GTF3C5: variants seen among roughly 807,000 people sequenced by gnomAD.
The protein encoded by GTF3C5 is general transcription factor IIIC subunit 5.
Under a neutral mutation model 61.0 loss-of-function variants are expected in GTF3C5, and 47 were observed. The observed-to-expected ratio is 0.77, with a 90% confidence interval of 0.61 to 0.98. The LOEUF (loss-of-function observed/expected upper bound fraction) is 0.98, where lower values mean the gene tolerates loss of function less well. Ranked by LOEUF, GTF3C5 falls within the 50% of genes least tolerant of loss-of-function variation. The pLI, the probability that GTF3C5 is intolerant of heterozygous loss-of-function variation, is 0.00. For synonymous variants in GTF3C5, 295 were observed against 275.4 expected (o/e 1.07, Z -0.71); for missense variants, 659 against 703.3 (o/e 0.94, Z 0.71).
chr9:133,045,555 C>T, intron 3 of GTF3C5, among the ~76,000 whole-genome samples: 1 of 152,174 alleles, frequency 6.6e-6, no homozygotes, highest in East Asian at 1.9e-4. Context: ...GTGAGAGGTA[C>T]TCAGCAAGTG....
chr9:133,036,780 T>C (rs1353488765), intron 1 of GTF3C5, among the ~76,000 whole-genome samples: 1 of 152,130 alleles, frequency 6.6e-6, no homozygotes, highest in East Asian at 1.9e-4. Context: ...CTAGGAATGT[T>C]ACGAGTTCCT....
chr9:133,042,146 C>T lies in GTF3C5; in HGVS notation c.213C>T (p.Cys71=), dbSNP rs779220331. 6.2e-7 allele frequency: 1 copy of T among 1,614,010 alleles called. No homozygotes were observed. Among genetic ancestry groups the T allele is most frequent in the Non-Finnish European group, 8.5e-7 (1 of 1,179,896 alleles). The stretch of plus-strand genomic sequence containing the variant: ...ACTTCCGGCCCAAGGACCCATACTG[C>T]CACCCAGTGTGCGCCAACCGCTTCA... ...ELYFRPKDPY[C]HPVCANRFST... Residue 71 remains cysteine, a synonymous_variant, in exon 2 of 11, where the codon TGC becomes TGT. Transcript: ENST00000372097.
In GTF3C5 at chr9:133,050,645, T is replaced by C. The variant is rs535867598; in HGVS notation, c.573-138T>C. On this transcript the variant is annotated intron_variant, in intron 3 of 10. Coordinates refer to ENST00000372097, the MANE Select transcript of GTF3C5 (RefSeq NM_012087.4). ...TTTAGCAGCCAACTCTGGGGTCCTT[T>C]CCCAGCACAGATGTCCAGAGAGAGG... 620 of 627,482 alleles carry C rather than the reference T, an allele frequency of 9.9e-4. 1 individual carries two copies. Among genetic ancestry groups the C allele is most frequent in the Non-Finnish European group, 1.5e-3 (543 of 358,848 alleles). 38.9% of individuals were successfully genotyped at this position (627,482 alleles called of 1,614,324 possible).
chr9:133,052,537 G>T (rs1360680143), intron 5 of GTF3C5, among the ~76,000 whole-genome samples: 1 of 152,110 alleles, frequency 6.6e-6, no homozygotes, highest in Non-Finnish European at 1.5e-5. Flanking sequence ...GACCACAGCG[G>T]CCCCATGTCG....
In GTF3C5 at chr9:133,054,749, C is replaced by T. The variant is rs1199833663; in HGVS notation, c.1107C>T (p.Gly369=). 6.3e-7 allele frequency: 1 copy of T among 1,584,562 alleles called. No homozygotes were observed. The highest frequency in any genetic ancestry group is 8.6e-7 in the Non-Finnish European group (1 of 1,165,724). Residue 369 remains glycine (G), a synonymous_variant, in exon 8 of 11, where the codon GGC becomes GGT. Coordinates refer to ENST00000372097, the MANE Select transcript of GTF3C5 (RefSeq NM_012087.4). ...TCACCATGCATGACCTGAAGCAGGG[C>T]CTGGGCCCGTCGGGGACGAGTGGTG... ...QLVTMHDLKQ[G]LGPSGTSGAR... is the part of the protein sequence containing the mutation.
upstream of GTF3C5, chr9:133,030,809 A>G: frequency 5.9e-6 from 4 of 676,162 alleles, no homozygotes; most frequent in Non-Finnish European, 1.1e-5. Flanking sequence ...AGTCGAGGAC[A>G]CGGCGGTCGT....
Position 133,042,163 on chromosome 9 carries a change from A to T in GTF3C5, c.230A>T (p.Asn77Ile). 6.2e-7 allele frequency: 1 copy of T among 1,614,126 alleles called. No individual in the cohort carries two copies. The highest frequency in any genetic ancestry group is 8.5e-7 in the Non-Finnish European group (1 of 1,179,986). Residue 77 changes from asparagine (N) to isoleucine (I), a missense_variant, in exon 2 of 11, where the codon AAC (asparagine) becomes ATC (isoleucine). Physicochemically the swap from Asn to Ile is moderately radical, Grantham distance 149. Coordinates refer to ENST00000372097, the MANE Select transcript of GTF3C5 (RefSeq NM_012087.4). ...KDPYCHPVCANRFSTSSLLLR... is the reference protein window; with the variant it reads ...KDPYCHPVCAIRFSTSSLLLR... The stretch of plus-strand genomic sequence containing the variant: ...CCATACTGCCACCCAGTGTGCGCCA[A>T]CCGCTTCAGTACCAGCAGCCTGCTG...
intron 5 of GTF3C5, among the ~76,000 whole-genome samples, chr9:133,053,356 G>A (rs188842188): frequency 5.3e-5 from 8 of 152,218 alleles, no homozygotes; most frequent in Admixed American, 3.9e-4. Context: ...AGGCTGAAGC[G>A]GGAGAATCGC....
chr9:133,039,907 A>AT (rs1376866706), intron 1 of GTF3C5, among the ~76,000 whole-genome samples: 2 of 152,214 alleles, frequency 1.3e-5, no homozygotes, highest in East Asian at 3.9e-4. Flanking sequence ...ATTTGAACTC[A>AT]TGCTTTGCTC....
intron 3 of GTF3C5, among the ~76,000 whole-genome samples, chr9:133,046,965 A>G (rs1850227282): frequency 6.6e-6 from 1 of 152,106 alleles, no homozygotes; most frequent in Admixed American, 6.5e-5. Flanking sequence ...AGAGTGTGTT[A>G]TTCTCTGCCT....
chr9:133,044,005 C>A, intron 3 of GTF3C5, 79 bp downstream of exon 3: 2 of 1,004,918 alleles, frequency 2.0e-6, no homozygotes, highest in Non-Finnish European at 3.0e-6. Context: ...ACACACTGGG[C>A]GTGGTGGTGC....
At chr9:133,054,957 CACTG>C in intron 8 of GTF3C5, 148 bp downstream of exon 8, 1 of 1,551,528 alleles carries the variant, frequency 6.4e-7, no homozygotes, top group East Asian at 2.4e-5. Context: ...AGCCTTCAGA[CACTG>C]AGGGTGAGAA....
chr9:133,055,669 G>A (rs1018760816), intron 8 of GTF3C5: 137 of 985,316 alleles, frequency 1.4e-4, no homozygotes, highest in Non-Finnish European at 1.6e-4. Flanking sequence ...GTGGGTGAGG[G>A]ATAAGGTCAG....
At chr9:133,047,311 T>C (rs1273201525) in intron 3 of GTF3C5, among the ~76,000 whole-genome samples, 1 of 152,088 alleles carries the variant, frequency 6.6e-6, no homozygotes, top group East Asian at 1.9e-4. Flanking sequence ...GTCTGTAACA[T>C]CCTCTACCAC....
chr9:133,057,343 G>A (rs1829966240), intron 10 of GTF3C5, among the ~76,000 whole-genome samples: 1 of 152,216 alleles, frequency 6.6e-6, no homozygotes, highest in South Asian at 2.1e-4. Context: ...AAAGTGAAGG[G>A]GGCAACACCT....
chr9:133,057,163 G>A (rs1224744636), intron 10 of GTF3C5, among the ~76,000 whole-genome samples: 1 of 152,188 alleles, frequency 6.6e-6, no homozygotes. Flanking sequence ...GAGGGGCTGG[G>A]TGCAGCAGCC....
intron 3 of GTF3C5, among the ~76,000 whole-genome samples, chr9:133,049,946 T>C (rs1482848124): frequency 6.6e-6 from 1 of 152,180 alleles, no homozygotes; most frequent in Non-Finnish European, 1.5e-5. Context: ...CGTCACCCAG[T>C]GTCCGTAGTT....
chr9:133,054,618 G>A (rs1485490634), intron 7 of GTF3C5, 94 bp from the exon 8 acceptor site: 2 of 1,413,112 alleles, frequency 1.4e-6, no homozygotes, highest in Admixed American at 2.0e-5. Context: ...CCCCTAGGAG[G>A]GGGTGGGCTG....
intron 1 of GTF3C5, among the ~76,000 whole-genome samples, chr9:133,036,749 A>T (rs1379453091): frequency 6.6e-6 from 1 of 152,124 alleles, no homozygotes; most frequent in Non-Finnish European, 1.5e-5. Flanking sequence ...TCAATCCGTA[A>T]GCGGCAATAT....
Sources: allele counts gnomAD v4.1 joint callset (sites outside exome capture counted in the v4.1 genomes callset), GRCh38; gene constraint gnomAD v4.1.1; transcripts MANE v1.5; gene names NCBI Gene and HGNC (gene_info 2026-07-23, HGNC 2026-07-21).